Variants in SULF1 observed in about 807,000 individuals in gnomAD.
SULF1 encodes extracellular sulfatase Sulf-1.
Under a neutral mutation model 110.5 loss-of-function variants are expected in SULF1, and 46 were observed. That is an observed-to-expected ratio of 0.42 (90% CI 0.33 to 0.53). SULF1 has a LOEUF of 0.53. SULF1 is among the 20% of genes least tolerant of loss of function. The pLI, the probability that SULF1 is intolerant of heterozygous loss-of-function variation, is 0.12. For missense variants in SULF1, 941 were observed against 1,094.2 expected (o/e 0.86, Z 1.98); for synonymous variants, 371 against 387.1 (o/e 0.96, Z 0.49).
At position 69,563,973 on chromosome 8, in the gene SULF1, A is replaced by G; in HGVS notation, c.-3A>G. The stretch of plus-strand genomic sequence containing the variant: ...TCAGTTTTGCAACATTGGACCAAAT[A>G]CAATGAAGTATTCTTGCTGTGCTCT... On this transcript the variant is annotated 5_prime_UTR_variant, in exon 5 of 23. The change creates a new upstream start codon in the 5' untranslated region. Coordinates refer to ENST00000402687, the MANE Select transcript of SULF1 (RefSeq NM_001128205.2). The G allele has an allele frequency of 6.2e-7, 1 of 1,613,918 alleles. No individual in the cohort carries two copies. Among genetic ancestry groups the G allele is most frequent in the Admixed American group, 1.7e-5 (1 of 60,014 alleles).
intron 3 of SULF1, among the ~76,000 whole-genome samples, chr8:69,512,309 A>C (rs1340879932): frequency 6.6e-6 from 1 of 152,192 alleles, no homozygotes; most frequent in Non-Finnish European, 1.5e-5. Context: ...AGACCCCATC[A>C]GCCCACCAAC....
At chr8:69,474,424 T>G (rs1809218594) in intron 1 of SULF1, among the ~76,000 whole-genome samples, 1 of 152,218 alleles carries the variant, frequency 6.6e-6, no homozygotes. Flanking sequence ...ATAATCAATC[T>G]TCTCCTGAAT....
chr8:69,618,471 G>A (rs1028042789), intron 13 of SULF1, among the ~76,000 whole-genome samples: 5 of 152,174 alleles, frequency 3.3e-5, no homozygotes, highest in Non-Finnish European at 7.4e-5. Context: ...GAGTATGTAT[G>A]TAGGCTAAAT....
At chr8:69,512,381 G>T (rs916835030) in intron 3 of SULF1, among the ~76,000 whole-genome samples, 1 of 152,120 alleles carries the variant, frequency 6.6e-6, no homozygotes, top group Non-Finnish European at 1.5e-5. Flanking sequence ...ACAGGGCCAT[G>T]GCTTCTTATA....
chr8:69,518,363 T>C (rs1812075593), intron 3 of SULF1, among the ~76,000 whole-genome samples: 1 of 152,328 alleles, frequency 6.6e-6, no homozygotes, highest in African/African-American at 2.4e-5. Context: ...TTCCATCATC[T>C]CTGAGTCTTT....
chr8:69,621,322 G>GAGAGAGAGAA, intron 14 of SULF1, 71 bp downstream of exon 14: 8 of 1,124,912 alleles, frequency 7.1e-6, no homozygotes, highest in Non-Finnish European at 9.9e-6. Context: ...AGAGACGAAA[G>GAGAGAGAGAA]GGTTGCTCCT....
At chr8:69,646,279 T>C (rs552352211) in intron 22 of SULF1, among the ~76,000 whole-genome samples, 3 of 152,352 alleles carry the variant, frequency 2.0e-5, no homozygotes, top group African/African-American at 7.2e-5. Context: ...GTGGGTCAGT[T>C]CTGGCTCCAT....
At chr8:69,511,640 A>T (rs573934451) in intron 3 of SULF1, among the ~76,000 whole-genome samples, 45 of 152,372 alleles carry the variant, frequency 3.0e-4, no homozygotes, top group South Asian at 2.7e-3. Flanking sequence ...TCACACATGC[A>T]CAGCCCCTCC....
chr8:69,557,636 A>G (rs1266988768), intron 3 of SULF1, among the ~76,000 whole-genome samples: 2 of 152,184 alleles, frequency 1.3e-5, no homozygotes, highest in Admixed American at 6.5e-5. Flanking sequence ...ATGTTTTGTA[A>G]TGCAACAGAT....
intron 5 of SULF1, among the ~76,000 whole-genome samples, chr8:69,570,180 C>CTTG (rs1359131836): frequency 6.6e-6 from 1 of 152,122 alleles, no homozygotes; most frequent in Non-Finnish European, 1.5e-5. Flanking sequence ...GCTGGGTTTG[C>CTTG]TTGTTGTTGT....
At chr8:69,514,498 G>T (rs568237324) in intron 3 of SULF1, among the ~76,000 whole-genome samples, 1 of 152,214 alleles carries the variant, frequency 6.6e-6, no homozygotes, top group Non-Finnish European at 1.5e-5. Flanking sequence ...AGATTTGGGT[G>T]GGGGTACAGA....
rs1806694846 is a variant in SULF1 at position 69,589,243 on chromosome 8, C to T, written c.734+102C>T. ...CCCGTTTCCTTCCACCCTGCGTATCCACAAGGCTTTCTTCATGAAAGGATA... is the reference window on the plus strand; with the variant it reads ...CCCGTTTCCTTCCACCCTGCGTATCTACAAGGCTTTCTTCATGAAAGGATA... On this transcript the variant is annotated intron_variant, in intron 8 of 22. Coordinates refer to ENST00000402687, the MANE Select transcript of SULF1 (RefSeq NM_001128205.2). 3 of 1,156,742 alleles carry T rather than the reference C, an allele frequency of 2.6e-6. No homozygotes were observed. In the South Asian group the frequency reaches 5.0e-5, roughly 19 times the overall value. The allele number at this position is 1,156,742 out of a possible 1,614,324, so 71.7% of individuals were successfully genotyped here. A position where few individuals can be genotyped will look rare whatever the true frequency, so the allele number is the denominator to read the frequency against.
intron 1 of SULF1, among the ~76,000 whole-genome samples, chr8:69,483,176 G>A (rs560686565): frequency 7.2e-5 from 11 of 152,132 alleles, no homozygotes; most frequent in Non-Finnish European, 1.2e-4. Flanking sequence ...TCTCCAAGGA[G>A]ACCAAGGGAA....
intron 6 of SULF1, among the ~76,000 whole-genome samples, chr8:69,577,003 T>C (rs1274612458): frequency 2.0e-5 from 3 of 152,240 alleles, no homozygotes; most frequent in African/African-American, 7.2e-5. Context: ...AATTAATCTT[T>C]CCCACTGGAC....
chr8:69,508,959 C>G (rs948578472), intron 3 of SULF1, among the ~76,000 whole-genome samples: 3 of 152,150 alleles, frequency 2.0e-5, no homozygotes, highest in African/African-American at 7.2e-5. Context: ...TAGGATTCTT[C>G]TCTCCAAAGA....
intron 3 of SULF1, among the ~76,000 whole-genome samples, chr8:69,533,620 A>G (rs896473293): frequency 6.6e-6 from 1 of 152,134 alleles, no homozygotes; most frequent in Admixed American, 6.5e-5. Flanking sequence ...TCCATGGTGT[A>G]TATGTACCAT....
chr8:69,506,236 A>G (rs945269874), intron 3 of SULF1, among the ~76,000 whole-genome samples: 2 of 30,778 alleles, frequency 6.5e-5, no homozygotes, highest in African/African-American at 3.0e-4. Context: ...CACTAAACAT[A>G]CACACACACA....
intron 6 of SULF1, among the ~76,000 whole-genome samples, chr8:69,576,418 T>TA (rs778395033): frequency 6.6e-6 from 1 of 152,242 alleles, no homozygotes; most frequent in Non-Finnish European, 1.5e-5. Flanking sequence ...AACTGATGGG[T>TA]AAATCAATCA....
intron 3 of SULF1, among the ~76,000 whole-genome samples, chr8:69,541,808 G>C (rs949354637): frequency 1.3e-5 from 2 of 152,160 alleles, no homozygotes; most frequent in Non-Finnish European, 2.9e-5. Context: ...TTGTTTTCTA[G>C]AGTGGTTACT....
Sources: allele counts gnomAD v4.1 joint callset (sites outside exome capture counted in the v4.1 genomes callset), GRCh38; gene constraint gnomAD v4.1.1; transcripts MANE v1.5; gene names NCBI Gene and HGNC (gene_info 2026-07-23, HGNC 2026-07-21).